Variants in DIO1 observed in about 807,000 individuals in gnomAD.
DIO1 encodes the protein iodothyronine deiodinase 1.
Under a neutral mutation model 25.9 loss-of-function variants are expected in DIO1, and 17 were observed. The observed-to-expected ratio is 0.66, with a 90% CI of 0.45 to 0.98. DIO1 has a LOEUF of 0.98. Among genes scored for constraint, DIO1 ranks in the 50% least tolerant of loss-of-function variants. DIO1 has a pLI of 0.00. For synonymous variants in DIO1, 115 were observed against 114.0 expected, an observed-to-expected ratio of 1.01 and a Z score of -0.05; for missense variants, 270 against 310.4, an observed-to-expected ratio of 0.87 and a Z score of 0.98.
intron 3 of DIO1, 124 bp from the exon 4 acceptor site, chr1:53,909,807 C>A: frequency 1.2e-6 from 1 of 854,366 alleles, no homozygotes; most frequent in Non-Finnish European, 2.0e-6. Flanking sequence ...TTGAATTAGC[C>A]ATGCTGATGG....
Position 53,910,081 on chromosome 1 carries a change from A to G in DIO1, c.*82A>G, listed in dbSNP as rs1015773764. ...TCTCCCTGAGACCCAGCTGGCTTTT[A>G]CCCTTGACCTGTGTCCCTAGCTGAA... On this transcript the variant is annotated 3_prime_UTR_variant, in exon 4 of 4. Transcript: ENST00000361921. The G allele has an allele frequency of 8.1e-7, 1 of 1,227,840 alleles. No homozygotes were observed. The highest frequency in any genetic ancestry group is 1.2e-6 in the Non-Finnish European group (1 of 829,890). 76.1% of individuals were successfully genotyped at this position (1,227,840 alleles called of 1,614,324 possible). A position where few individuals can be genotyped will look rare whatever the true frequency, so the allele number is the denominator to read the frequency against.
chr1:53,907,745 C>T (rs1651724634), intron 3 of DIO1, among the ~76,000 whole-genome samples: 1 of 151,148 alleles, frequency 6.6e-6, no homozygotes, highest in Admixed American at 6.6e-5. Flanking sequence ...AACCCTGTCT[C>T]TACTAAAAAT....
At chr1:53,905,277 C>T (rs761563463) in intron 2 of DIO1, among the ~76,000 whole-genome samples, 3 of 148,276 alleles carry the variant, frequency 2.0e-5, no homozygotes, top group African/African-American at 7.7e-5. Flanking sequence ...TGGGCTAAAT[C>T]GATCCTCCTG....
Position 53,909,924 on chromosome 1 carries a change from C to T in DIO1, c.682-7C>T. The T allele has an allele frequency of 6.2e-7, 1 of 1,614,098 alleles. No homozygotes were observed. The stretch of plus-strand genomic sequence containing the variant: ...AGTTGGGAATGCCTGATTCGTTTCT[C>T]TTGCAGGGTAAATCTGGCCCTTGGA... On this transcript the variant is annotated splice_region_variant and splice_polypyrimidine_tract_variant and intron_variant, in intron 3 of 3. Transcript: ENST00000361921.
intron 1 of DIO1, among the ~76,000 whole-genome samples, chr1:53,896,743 T>C (rs1422591869): frequency 6.6e-6 from 1 of 151,962 alleles, no homozygotes; most frequent in Non-Finnish European, 1.5e-5. Flanking sequence ...TCCTATGAAA[T>C]GGGGGAGGCT....
chr1:53,905,004 G>C, intron 2 of DIO1, 195 bp downstream of exon 2: 1 of 544,520 alleles, frequency 1.8e-6, no homozygotes, highest in Non-Finnish European at 3.2e-6. Context: ...TTCAACCAGG[G>C]TACAGAGAGC....
chr1:53,895,471 A>C (rs922342963), intron 1 of DIO1, among the ~76,000 whole-genome samples: 1 of 152,140 alleles, frequency 6.6e-6, no homozygotes. Flanking sequence ...TCCACTCCCC[A>C]GTCCAGGAAA....
chr1:53,899,917 C>A (rs1651268221), intron 1 of DIO1, among the ~76,000 whole-genome samples: 1 of 152,152 alleles, frequency 6.6e-6, no homozygotes, highest in African/African-American at 2.4e-5. Flanking sequence ...CAGAGTGACT[C>A]TCTGGGGTCA....
intron 1 of DIO1, among the ~76,000 whole-genome samples, chr1:53,899,655 T>C (rs1456650792): frequency 1.3e-5 from 2 of 152,236 alleles, no homozygotes; most frequent in Admixed American, 6.5e-5. Context: ...GAGTTGATCA[T>C]GACCATAAGT....
Position 53,894,193 on chromosome 1 carries a change from T to C in DIO1, c.-18T>C, listed in dbSNP as rs1471341663. The C allele has an allele frequency of 6.2e-7, 1 of 1,604,130 alleles. No individual in the cohort carries two copies. Among genetic ancestry groups the C allele is most frequent in the Non-Finnish European group, 8.5e-7 (1 of 1,174,060 alleles). ...CTCTCTGCCCATAGAACTCAGAGCT[T>C]ACTCTGGCTTTGCCGAGATGGGGCT... On this transcript the variant is annotated 5_prime_UTR_variant, in exon 1 of 4. Coordinates refer to ENST00000361921, the MANE Select transcript of DIO1 (RefSeq NM_000792.7). The surrounding 1 kb of genome is among the most constrained non-coding windows in gnomAD (Gnocchi z 4.9).
chr1:53,903,182 C>T (rs1284430934), intron 1 of DIO1: 2 of 152,056 alleles, frequency 1.3e-5, no homozygotes, highest in Non-Finnish European at 2.9e-5. Flanking sequence ...CAGCTGTCCC[C>T]ATCCCGGGCT....
chr1:53,899,156 G>C (rs905940146), intron 1 of DIO1, among the ~76,000 whole-genome samples: 11 of 152,204 alleles, frequency 7.2e-5, no homozygotes, highest in Non-Finnish European at 1.6e-4. Context: ...TGGTGTGGCA[G>C]AAGGCAAGTT....
In DIO1 at chr1:53,906,159, G is replaced by A; in HGVS notation, c.546G>A (p.Gln182=). 1.2e-6 allele frequency: 2 copies of A among 1,614,226 alleles called. No individual in the cohort carries two copies. The highest frequency in any genetic ancestry group is 1.7e-6 in the Non-Finnish European group (2 of 1,180,046). ...ACCAGAACCTTCAGGATCGCCTGCA[G>A]GCAGCCCATCTACTGCTGGCCAGGA... ...RNHQNLQDRL[Q]AAHLLLARSP... The change falls in exon 3 of 4, where the codon CAG becomes CAA. Residue 182 remains glutamine (Q), a synonymous_variant. Coordinates refer to ENST00000361921, the MANE Select transcript of DIO1 (RefSeq NM_000792.7).
chr1:53,908,285 G>A (rs1651763862), intron 3 of DIO1, among the ~76,000 whole-genome samples: 2 of 152,200 alleles, frequency 1.3e-5, no homozygotes, highest in Non-Finnish European at 1.5e-5. Context: ...CAGGCTGAGG[G>A]ATAAGGAAGA....
intron 1 of DIO1, among the ~76,000 whole-genome samples, chr1:53,895,966 T>A (rs2268184): frequency 0.23 from 34,217 of 151,988 alleles, 4,072 homozygotes; most frequent in African/African-American, 0.29. Context: ...AGGCATGTGC[T>A]CTCTCCCTTC....
At chr1:53,895,188 A>G (rs924417441) in intron 1 of DIO1, among the ~76,000 whole-genome samples, 1 of 152,070 alleles carries the variant, frequency 6.6e-6, no homozygotes. Flanking sequence ...ACTTTGGGAG[A>G]TTGAGGCTGG....
At chr1:53,897,797 A>G (rs1651155202) in intron 1 of DIO1, among the ~76,000 whole-genome samples, 1 of 152,214 alleles carries the variant, frequency 6.6e-6, no homozygotes, top group Admixed American at 6.5e-5. Context: ...GGCTTCAGTG[A>G]GCCATGTTCA....
Position 53,904,715 on chromosome 1 carries a change from T to C in DIO1, c.387T>C (p.Phe129=). The part of the protein sequence containing the change: ...LNFGSCTUPS[F]MFKFDQFKRL... ...TTGGAAGTTGTACCTGACCTTCATTTATGTTCAAATTTGACCAGTTCAAGA... is the reference window on the plus strand; with the variant it reads ...TTGGAAGTTGTACCTGACCTTCATTCATGTTCAAATTTGACCAGTTCAAGA... Residue 129 remains phenylalanine (F), a synonymous_variant, in exon 2 of 4, where the codon TTT becomes TTC. Transcript: ENST00000361921. 2 of 1,613,944 alleles carry C rather than the reference T, an allele frequency of 1.2e-6. No individual in the cohort carries two copies. Among genetic ancestry groups the C allele is most frequent in the Non-Finnish European group, 1.7e-6 (2 of 1,179,924 alleles).
At chr1:53,895,345 C>T (rs1651017534) in intron 1 of DIO1, among the ~76,000 whole-genome samples, 1 of 152,200 alleles carries the variant, frequency 6.6e-6, no homozygotes, top group Admixed American at 6.5e-5. Flanking sequence ...ATCTCTTGAA[C>T]CCCGGTGGCG....
Sources: allele counts gnomAD v4.1 joint callset (sites outside exome capture counted in the v4.1 genomes callset), GRCh38; gene constraint gnomAD v4.1.1; non-coding constraint Gnocchi (gnomAD v3.1); transcripts MANE v1.5; gene names NCBI Gene and HGNC (gene_info 2026-07-23, HGNC 2026-07-21).